The following RDX variants were observed in gnomAD, a reference collection of about 807,000 sequenced individuals.
The protein encoded by RDX is radixin, also known as deafness, autosomal recessive 24.
RDX carries 32 observed loss-of-function variants against 83.7 expected under a neutral mutation model. That is an observed-to-expected ratio of 0.38 (90% CI 0.29 to 0.51). RDX has a LOEUF of 0.51. Ranked by LOEUF, RDX falls within the 20% of genes least tolerant of loss-of-function variation. The probability of loss-of-function intolerance (pLI) is 0.87; values close to 1 mark genes in which losing one functional copy is unlikely to be tolerated. For synonymous variants in RDX, 229 were observed against 222.7 expected, an observed-to-expected ratio of 1.03 and a Z score of -0.25; for missense variants, 600 against 689.9, an observed-to-expected ratio of 0.87 and a Z score of 1.46.
In RDX at chr11:110,237,629, C is replaced by T; in HGVS notation, c.1114G>A (p.Ala372Thr). ...QKELEEQTRKALELDQERKRA... is the reference protein window; with the variant it reads ...QKELEEQTRKTLELDQERKRA... ...TTTCGTTCTTGATCCAGTTCTAGAGCTTTTCGAGTCTGTTCTTCTAGTTCT... is the reference window on the plus strand; with the variant it reads ...TTTCGTTCTTGATCCAGTTCTAGAGTTTTTCGAGTCTGTTCTTCTAGTTCT... Residue 372 changes from alanine (A) to threonine (T), a missense_variant, in exon 11 of 14, where the codon GCT becomes ACT. Ala to Thr is a moderately conservative substitution (Grantham distance 58, BLOSUM62 0). Transcript: ENST00000645495. 1 of 1,614,176 alleles carries T rather than the reference C, an allele frequency of 6.2e-7. No homozygotes were observed. Among genetic ancestry groups the T allele is most frequent in the South Asian group, 1.1e-5 (1 of 91,082 alleles).
intron 3 of RDX, among the ~76,000 whole-genome samples, chr11:110,266,498 A>G (rs1169661521): frequency 6.6e-6 from 1 of 151,786 alleles, no homozygotes; most frequent in East Asian, 1.9e-4. Flanking sequence ...TAACATTTTA[A>G]AAGCTTTACA....
chr11:110,292,734 A>AAT (rs1861296253), intron 1 of RDX, among the ~76,000 whole-genome samples: 1 of 152,164 alleles, frequency 6.6e-6, no homozygotes, highest in South Asian at 2.1e-4. Context: ...CTCAATTACT[A>AAT]ATAGCTTTAT....
rs762103695 is a variant in RDX, at chr11:110,237,644, C to G, written c.1099G>C (p.Glu367Gln). 1.2e-6 allele frequency: 2 copies of G among 1,614,048 alleles called. No homozygotes were observed. The highest frequency in any genetic ancestry group is 1.1e-5 in the South Asian group (1 of 91,070). Reference sequence around the variant, plus strand: ...AGTTCTAGAGCTTTTCGAGTCTGTTCTTCTAGTTCTATGAAATATGTGTAT... The same window carrying G: ...AGTTCTAGAGCTTTTCGAGTCTGTTGTTCTAGTTCTATGAAATATGTGTAT... ...QTIKAQKELE[E>Q]QTRKALELDQ... The change falls in exon 11 of 14, where the codon GAA (glutamate) becomes CAA (glutamine). Residue 367 changes from glutamate to glutamine, a missense_variant. Physicochemically the swap from Glu to Gln is conservative, Grantham distance 29. Transcript: ENST00000645495.
At chr11:110,176,850 G>A (rs1203376998) in intron 15 of RDX, among the ~76,000 whole-genome samples, 1 of 152,144 alleles carries the variant, frequency 6.6e-6, no homozygotes, top group Non-Finnish European at 1.5e-5. Flanking sequence ...ATTCTGCTGG[G>A]CTGTAGTTCA....
At chr11:110,261,952 C>T (rs1423553450) in intron 5 of RDX, among the ~76,000 whole-genome samples, 2 of 152,056 alleles carry the variant, frequency 1.3e-5, no homozygotes, top group African/African-American at 4.8e-5. Flanking sequence ...CTCAACCAAA[C>T]AGCAATCTGG....
chr11:110,255,774 T>C (rs1195516455), intron 7 of RDX, among the ~76,000 whole-genome samples: 1 of 152,102 alleles, frequency 6.6e-6, no homozygotes, highest in Non-Finnish European at 1.5e-5. Flanking sequence ...AAAAAGGCCT[T>C]TATAACTTCT....
rs141731309 is a variant in RDX at position 110,201,903 on chromosome 11, T to TTGTGTGTGTGTGTGTGTG, written c.1749-2243_1749-2226dup. The stretch of plus-strand genomic sequence containing the variant: ...CACATGCCACCACATCCGGCTAATT[T>TTGTGTGTGTGTGTGTGTG]TGTGTGTGTGTGTGTGTGTGTGTGT... On this transcript the variant is annotated intron_variant, in intron 14 of 15. Coordinates refer to the RDX transcript ENST00000528498. Among the ~76,000 whole-genome samples the TTGTGTGTGTGTGTGTGTG allele has an allele frequency of 2.8e-4, 39 of 137,326 alleles. 1 individual carries two copies. The highest frequency in any genetic ancestry group is 1.0e-3 in the South Asian group (4 of 3,872). 90.1% of individuals were successfully genotyped at this position (137,326 alleles called of 152,430 possible). A position where few individuals can be genotyped will look rare whatever the true frequency, so the allele number is the denominator to read the frequency against.
At chr11:110,209,350 T>G in intron 14 of RDX, among the ~76,000 whole-genome samples, 2 of 149,482 alleles carry the variant, frequency 1.3e-5, no homozygotes, top group African/African-American at 4.9e-5. Context: ...GCCCACGGAG[T>G]CTCGCTGATT....
intron 2 of RDX, among the ~76,000 whole-genome samples, chr11:110,278,345 T>A (rs1351315707): frequency 6.6e-6 from 1 of 152,136 alleles, no homozygotes; most frequent in Non-Finnish European, 1.5e-5. Flanking sequence ...ATTCAACTGA[T>A]TGGAACTGAA....
intron 14 of RDX, among the ~76,000 whole-genome samples, chr11:110,224,056 C>G (rs1047604487): frequency 1.4e-4 from 21 of 152,038 alleles, no homozygotes; most frequent in African/African-American, 5.1e-4. Context: ...AGAAAGAAAT[C>G]TAAAGAAATT....
intron 12 of RDX, among the ~76,000 whole-genome samples, chr11:110,233,760 A>G (rs994175779): frequency 2.6e-5 from 4 of 152,340 alleles, no homozygotes; most frequent in African/African-American, 9.6e-5. Context: ...TCTGGCAAGG[A>G]TTATCAATTG....
At chr11:110,249,768 G>A (rs1431663501) in intron 9 of RDX, among the ~76,000 whole-genome samples, 1 of 152,164 alleles carries the variant, frequency 6.6e-6, no homozygotes, top group Non-Finnish European at 1.5e-5. Context: ...TGGTTACTCA[G>A]GAGGCTAAGG....
chr11:110,268,165 G>A (rs543582559), intron 3 of RDX, among the ~76,000 whole-genome samples: 204 of 151,864 alleles, frequency 1.3e-3, no homozygotes, highest in African/African-American at 4.3e-3. Flanking sequence ...AAAATTAGCC[G>A]GGCATGGTGG....
At chr11:110,287,325 G>C (rs564677862) in intron 1 of RDX, 2 of 152,280 alleles carry the variant, frequency 1.3e-5, no homozygotes, top group South Asian at 4.1e-4. Context: ...CTGGGCAACA[G>C]AGTGAGATCC....
At chr11:110,211,838 T>C (rs1252783441) in intron 14 of RDX, among the ~76,000 whole-genome samples, 1 of 150,648 alleles carries the variant, frequency 6.6e-6, no homozygotes, top group Non-Finnish European at 1.5e-5. Flanking sequence ...CAAAGCAGTG[T>C]GTAGAGGGAA....
chr11:110,230,561 T>TCTCC lies in RDX; in HGVS notation c.*1307_*1308insGGAG, dbSNP rs901471293. On this transcript the variant is annotated 3_prime_UTR_variant, in exon 14 of 14. Transcript: ENST00000645495. ...ATGCTACAAGGTTAGCATTTCTCTC[T>TCTCC]CTCATACACACACAGAGTACACACA... 1.4e-5 allele frequency: 2 copies of TCTCC among 147,444 alleles called. No homozygotes were observed. The highest frequency in any genetic ancestry group is 5.0e-5 in the African/African-American group (2 of 39,690). 9.1% of individuals were successfully genotyped at this position (147,444 alleles called of 1,614,324 possible). A position where few individuals can be genotyped will look rare whatever the true frequency, so the allele number is the denominator to read the frequency against.
At chr11:110,176,597 TCTC>T (rs1406979390) in intron 15 of RDX, among the ~76,000 whole-genome samples, 1 of 152,108 alleles carries the variant, frequency 6.6e-6, no homozygotes, top group Non-Finnish European at 1.5e-5. Context: ...AAAAGATCCT[TCTC>T]CATCTCTCTC....
chr11:110,203,830 CTT>C (rs1863503103), intron 14 of RDX, among the ~76,000 whole-genome samples: 1 of 152,000 alleles, frequency 6.6e-6, no homozygotes, highest in Admixed American at 6.6e-5. Context: ...AGAAAAAACT[CTT>C]AGAAAAATAT....
chr11:110,295,654 AAAAC>A (rs1259701320), intron 1 of RDX, among the ~76,000 whole-genome samples: 10 of 139,770 alleles, frequency 7.2e-5, no homozygotes, highest in Non-Finnish European at 1.5e-4. Context: ...AAAAAAAAAA[AAAAC>A]AAAAATGCAC....
Sources: allele counts gnomAD v4.1 joint callset (sites outside exome capture counted in the v4.1 genomes callset), GRCh38; gene constraint gnomAD v4.1.1; transcripts MANE v1.5; gene names NCBI Gene and HGNC (gene_info 2026-07-23, HGNC 2026-07-21).